Variants in CNTLN observed in about 807,000 individuals in gnomAD.
The protein encoded by CNTLN is centlein, centrosomal protein.
Under a neutral mutation model 180.0 loss-of-function variants are expected in CNTLN, and 212 were observed. The observed-to-expected ratio is 1.18, with a 90% CI of 1.05 to 1.32. The LOEUF is 1.32. Ranked by LOEUF, CNTLN falls within the 40% of genes most tolerant of loss-of-function variation. CNTLN has a pLI of 0.00. For synonymous variants in CNTLN, 722 were observed against 563.1 expected, an observed-to-expected ratio of 1.28 and a Z score of -3.99; for missense variants, 2,095 against 1,610.9, an observed-to-expected ratio of 1.30 and a Z score of -5.14.
rs1437180882 is a variant in CNTLN at position 17,285,593 on chromosome 9, A to G, written c.983+11727A>G. Reference sequence around the variant, plus strand: ...AGGAATCGCCACACTGACTTCCACAATGGTTGAACTAGTTTACAGTCCCAC... The same window carrying G: ...AGGAATCGCCACACTGACTTCCACAGTGGTTGAACTAGTTTACAGTCCCAC... On this transcript the variant is annotated intron_variant, in intron 6 of 25. Transcript: ENST00000380647. Among the ~76,000 whole-genome samples the G allele has an allele frequency of 1.7e-3, 213 of 123,444 alleles. 5 individuals are homozygous for G. The highest frequency in any genetic ancestry group is 7.1e-3 in the African/African-American group (200 of 28,256). The allele number at this position is 123,444 out of a possible 152,430, so 81.0% of individuals were successfully genotyped here.
intron 5 of CNTLN, among the ~76,000 whole-genome samples, chr9:17,258,026 G>A (rs915317903): frequency 6.6e-6 from 1 of 150,974 alleles, no homozygotes; most frequent in Non-Finnish European, 1.5e-5. Context: ...CATTGCTTTT[G>A]TTGTTTCAGA....
chr9:17,468,076 T>A (rs1220647097), intron 23 of CNTLN, among the ~76,000 whole-genome samples: 4 of 151,496 alleles, frequency 2.6e-5, no homozygotes, highest in Admixed American at 6.6e-5. Context: ...AAGAATGAGA[T>A]CAAGTCCTTT....
At chr9:17,358,497 A>G (rs932613051) in intron 12 of CNTLN, among the ~76,000 whole-genome samples, 1 of 152,176 alleles carries the variant, frequency 6.6e-6, no homozygotes, top group Non-Finnish European at 1.5e-5. Flanking sequence ...ATAACTGCAC[A>G]CATGTAGACG....
At chr9:17,489,709 A>G (rs1457774196) in intron 25 of CNTLN, among the ~76,000 whole-genome samples, 1 of 152,174 alleles carries the variant, frequency 6.6e-6, no homozygotes, top group Non-Finnish European at 1.5e-5. Context: ...CTACAAGTGC[A>G]TGAGAACTAA....
chr9:17,150,063 T>G (rs1818750269), intron 2 of CNTLN, among the ~76,000 whole-genome samples: 1 of 152,214 alleles, frequency 6.6e-6, no homozygotes, highest in South Asian at 2.1e-4. Flanking sequence ...CTCTGTCAGA[T>G]GGATAGATTG....
chr9:17,338,624 CTTGTT>C (rs140280071), intron 10 of CNTLN, among the ~76,000 whole-genome samples: 3 of 152,006 alleles, frequency 2.0e-5, no homozygotes, highest in African/African-American at 4.8e-5. Flanking sequence ...TTTTTAATCT[CTTGTT>C]TTGCTAACTT....
chr9:17,360,171 T>C (rs1823251854), intron 12 of CNTLN, among the ~76,000 whole-genome samples: 1 of 152,194 alleles, frequency 6.6e-6, no homozygotes, highest in Non-Finnish European at 1.5e-5. Context: ...CTAGTTCCTC[T>C]TGGATTCTTC....
intron 6 of CNTLN, among the ~76,000 whole-genome samples, chr9:17,274,953 C>T (rs370915574): frequency 2.6e-5 from 4 of 151,964 alleles, no homozygotes; most frequent in Non-Finnish European, 5.9e-5. Context: ...TTAACAGATT[C>T]CTTGTATCAC....
At chr9:17,451,928 T>C (rs992686047) in intron 18 of CNTLN, among the ~76,000 whole-genome samples, 2 of 152,196 alleles carry the variant, frequency 1.3e-5, no homozygotes, top group South Asian at 4.1e-4. Flanking sequence ...AGAAAAAAGC[T>C]GTAGGTCAGA....
intron 21 of CNTLN, 106 bp downstream of exon 21, chr9:17,464,729 G>C (rs1279181747): frequency 2.9e-6 from 2 of 679,178 alleles, no homozygotes; most frequent in Non-Finnish European, 4.7e-6. Context: ...ATATTGATAG[G>C]ATATGTATTT....
chr9:17,516,900 A>C, the CNTLN span, among the ~76,000 whole-genome samples: 1 of 152,192 alleles, frequency 6.6e-6, no homozygotes, highest in East Asian at 1.9e-4. Context: ...AGTGCCTGAC[A>C]CATAGTAAGG....
At chr9:17,499,938 A>G (rs1185916516) in intron 25 of CNTLN, among the ~76,000 whole-genome samples, 2 of 152,198 alleles carry the variant, frequency 1.3e-5, no homozygotes, top group Non-Finnish European at 2.9e-5. Context: ...AAGGGAAAAT[A>G]GAAAAATTGA....
chr9:17,238,193 C>G (rs1825271290), intron 5 of CNTLN, among the ~76,000 whole-genome samples: 1 of 152,072 alleles, frequency 6.6e-6, no homozygotes, highest in Non-Finnish European at 1.5e-5. Context: ...TAAATACCTT[C>G]TGTTCTACAG....
intron 7 of CNTLN, chr9:17,299,576 G>C (rs2780207): frequency 0.15 from 144,506 of 983,510 alleles, 12,357 homozygotes; most frequent in African/African-American, 0.35. Context: ...GTTTTGTGTT[G>C]CCTTTGTGTT....
rs1831780019 is a variant in CNTLN at position 17,466,843 on chromosome 9, A to AT, written c.3809dup (p.Leu1270PhefsTer6). 6.2e-7 allele frequency: 1 copy of AT among 1,610,500 alleles called. No homozygotes were observed. Among genetic ancestry groups the AT allele is most frequent in the Non-Finnish European group, 8.5e-7 (1 of 1,177,642 alleles). Reference sequence around the variant, plus strand: ...AGGTCCTAGAAGGTGCACAGAAGACATTGCTGTTAGCCAATGAAAAAGTAG... The same window carrying AT: ...AGGTCCTAGAAGGTGCACAGAAGACATTTGCTGTTAGCCAATGAAAAAGTAG... On this transcript the variant is annotated frameshift_variant, in exon 23 of 26. Coordinates refer to ENST00000380647, the MANE Select transcript of CNTLN (RefSeq NM_017738.4). LOFTEE classifies it high-confidence loss of function.
At chr9:17,453,974 C>G (rs1830962718) in intron 18 of CNTLN, among the ~76,000 whole-genome samples, 1 of 152,050 alleles carries the variant, frequency 6.6e-6, no homozygotes, top group African/African-American at 2.4e-5. Flanking sequence ...GGACGCTGAC[C>G]CTAATTACAT....
At chr9:17,177,334 G>A (rs577613087) in intron 2 of CNTLN, among the ~76,000 whole-genome samples, 10 of 152,200 alleles carry the variant, frequency 6.6e-5, no homozygotes, top group Admixed American at 3.9e-4. Flanking sequence ...GCGTGAACCC[G>A]GGAGGCGGAG....
intron 5 of CNTLN, among the ~76,000 whole-genome samples, chr9:17,253,013 A>G (rs1826247234): frequency 1.3e-5 from 2 of 151,786 alleles, no homozygotes. Context: ...CATTTATTGA[A>G]GAGGCGCTAT....
chr9:17,333,177 A>G (rs1052265314), intron 10 of CNTLN, among the ~76,000 whole-genome samples: 2 of 152,022 alleles, frequency 1.3e-5, no homozygotes, highest in South Asian at 4.1e-4. Context: ...ATATATATAT[A>G]TTTTTTCATT....
Sources: gnomAD v4.1 joint callset for allele counts (sites outside exome capture counted in the v4.1 genomes callset) on GRCh38, gnomAD v4.1.1 for gene constraint, MANE v1.5 for transcripts, NCBI Gene and HGNC (gene_info 2026-07-23, HGNC 2026-07-21) for gene names.